Variants in CYP4F12 observed in about 807,000 individuals in gnomAD.
The protein encoded by CYP4F12 is cytochrome P450 4F12.
In CYP4F12, 60 loss-of-function variants were observed where a neutral mutation model predicts 56.5. That is an observed-to-expected ratio of 1.06 (90% CI 0.86 to 1.32). The LOEUF is 1.32. Ranked by LOEUF, CYP4F12 falls within the 40% of genes most tolerant of loss-of-function variation. The pLI is 0.00. For missense variants in CYP4F12, 711 were observed against 683.5 expected (o/e 1.04, Z -0.45); for synonymous variants, 263 against 264.9 (o/e 0.99, Z 0.07).
rs199864875 is a variant in CYP4F12 at position 15,693,181 on chromosome 19, A to C, written c.1116-2755A>C. On this transcript the variant is annotated intron_variant, in intron 9 of 12. Coordinates refer to ENST00000550308, the MANE Select transcript of CYP4F12 (RefSeq NM_023944.4). ...GCCCAGAAAGCATACATTAAAAAAA[A>C]TAATAACCTGGCAACGTGTGGGGAG... Among the ~76,000 whole-genome samples the C allele has an allele frequency of 3.1e-4, 46 of 150,624 alleles. No homozygotes were observed. The East Asian group carries it at 8.8e-3, about 29-fold the overall frequency.
chr19:15,696,214 C>A lies in CYP4F12; in HGVS notation c.1303C>A (p.Pro435Thr), dbSNP rs2008129873. The A allele has an allele frequency of 6.2e-7, 1 of 1,613,984 alleles. No individual in the cohort carries two copies. The highest frequency in any genetic ancestry group is 1.3e-5 in the African/African-American group (1 of 74,894). The change falls in exon 11 of 13, where the codon CCG becomes ACG. Residue 435 changes from proline (P) to threonine (T), a missense_variant. Coordinates refer to ENST00000550308, the MANE Select transcript of CYP4F12 (RefSeq NM_023944.4). The stretch of plus-strand genomic sequence containing the variant: ...GGTCCATCACAACCCAACTGTGTGG[C>A]CGGATCCTGAGGTGCTGCCTTCCCC... ...IGVHHNPTVW[P>T]DPEVYDPFRF...
At position 15,696,426 on chromosome 19, in the gene CYP4F12, G is replaced by T. The variant is rs1350493718; in HGVS notation, c.1315-4G>T. The stretch of plus-strand genomic sequence containing the variant: ...CTGGCAAACCTTCTTTGTCTCACCT[G>T]CAGGTCTACGACCCCTTCCGCTTTG... On this transcript the variant is annotated splice_polypyrimidine_tract_variant and splice_region_variant and intron_variant, in intron 11 of 12. Coordinates refer to ENST00000550308, the MANE Select transcript of CYP4F12 (RefSeq NM_023944.4). 1 of 1,614,150 alleles carries T rather than the reference G, an allele frequency of 6.2e-7. No homozygotes were observed. Among genetic ancestry groups the T allele is most frequent in the Non-Finnish European group, 8.5e-7 (1 of 1,180,034 alleles).
At position 15,689,832 on chromosome 19, in the gene CYP4F12, T is replaced by G. The variant is rs189038919; in HGVS notation, c.1115+4635T>G. Among the ~76,000 whole-genome samples, 34 of 152,352 alleles carry G rather than the reference T, an allele frequency of 2.2e-4. No homozygotes were observed. In the East Asian group the frequency reaches 6.0e-3, roughly 27 times the overall value. On this transcript the variant is annotated intron_variant, in intron 9 of 12. Coordinates refer to ENST00000550308, the MANE Select transcript of CYP4F12 (RefSeq NM_023944.4). ...TGGATGGAGCTGGAGGCCATTATTC[T>G]AAGTGAAGTAACTCAAGAATAGAAA...
At chr19:15,675,227 C>G (rs147275957) in intron 2 of CYP4F12, among the ~76,000 whole-genome samples, 9,479 of 67,010 alleles carry the variant, frequency 0.14, 1,100 homozygotes, top group Middle Eastern at 0.21. Flanking sequence ...CGACTGGGAC[C>G]GGCCCTCCCC....
intron 2 of CYP4F12, among the ~76,000 whole-genome samples, chr19:15,675,567 T>G (rs1382713469): frequency 6.6e-6 from 1 of 152,216 alleles, no homozygotes; most frequent in African/African-American, 2.4e-5. Flanking sequence ...GACCTTCCCA[T>G]ATAGCAATCC....
chr19:15,685,346 G>A lies in CYP4F12; in HGVS notation c.1115+149G>A, dbSNP rs1267191445. 3.0e-6 allele frequency: 4 copies of A among 1,314,810 alleles called. No homozygotes were observed. The African/African-American group carries it at 5.9e-5, about 19-fold the overall frequency. The allele number at this position is 1,314,810 out of a possible 1,614,324, so 81.4% of individuals were successfully genotyped here. A position where few individuals can be genotyped will look rare whatever the true frequency, so the allele number is the denominator to read the frequency against. ...GACCACAGGCAGGGCTTGATACCAA[G>A]CCTGGCTGTCAGGGGAAAAGTTGCA... is the stretch of plus-strand genomic sequence containing the variant. On this transcript the variant is annotated intron_variant, in intron 9 of 12. Transcript: ENST00000550308.
intron 6 of CYP4F12, among the ~76,000 whole-genome samples, chr19:15,683,226 G>A (rs1850539834): frequency 6.6e-6 from 1 of 152,170 alleles, no homozygotes; most frequent in East Asian, 1.9e-4. Flanking sequence ...CATACTGGAT[G>A]GGAGACAGAG....
At chr19:15,684,560 AT>A (rs2007495260) in intron 7 of CYP4F12, 2 of 426,640 alleles carry the variant, frequency 4.7e-6, no homozygotes, top group Non-Finnish European at 8.3e-6. Context: ...AAAAATGAAA[AT>A]ATTCGAGAAC....
At chr19:15,684,953 C>G in intron 8 of CYP4F12, 71 bp downstream of exon 8, 1 of 1,568,100 alleles carries the variant, frequency 6.4e-7, no homozygotes, top group African/African-American at 1.3e-5. Flanking sequence ...TGGGTGGACC[C>G]TGGATCACTC....
intron 2 of CYP4F12, among the ~76,000 whole-genome samples, chr19:15,677,933 T>C (rs62106474): frequency 0.41 from 422 of 1,026 alleles, 141 homozygotes; most frequent in East Asian, 1. Flanking sequence ...TTCCTCTCCT[T>C]ACTCACTCAT....
Position 15,680,185 on chromosome 19 carries a change from A to C in CYP4F12, c.344-59A>C, listed in dbSNP as rs531524657. On this transcript the variant is annotated intron_variant, in intron 3 of 12. Transcript: ENST00000550308. ...AAGTGCTGGTAGGCAGCCTTGCCCT[A>C]TACCTGAAGTTCCTCTCTTGCCCTC... 3.2e-6 allele frequency: 5 copies of C among 1,549,068 alleles called. No individual in the cohort carries two copies. In the Admixed American group the frequency reaches 8.1e-5, roughly 25 times the overall value.
At chr19:15,691,724 G>T (rs117684291) in intron 9 of CYP4F12, among the ~76,000 whole-genome samples, 4,899 of 151,084 alleles carry the variant, frequency 0.032, 110 homozygotes, top group South Asian at 0.065. Flanking sequence ...TGTTGCAAAA[G>T]ATTGCCTTTT....
chr19:15,691,472 G>T (rs1036697014), intron 9 of CYP4F12, among the ~76,000 whole-genome samples: 4 of 152,222 alleles, frequency 2.6e-5, no homozygotes, highest in African/African-American at 7.2e-5. Context: ...CCACAAATTT[G>T]CCAATAGTAT....
At chr19:15,687,524 A>G (rs631279) in intron 9 of CYP4F12, among the ~76,000 whole-genome samples, 43,065 of 152,070 alleles carry the variant, frequency 0.28, 6,614 homozygotes, top group African/African-American at 0.4. Flanking sequence ...TTCACAGTGT[A>G]AGCTTTCTTT....
In CYP4F12 at chr19:15,693,987, T is replaced by C. The variant is rs188724744; in HGVS notation, c.1116-1949T>C. Among the ~76,000 whole-genome samples the C allele has an allele frequency of 8.9e-3, 1,348 of 151,322 alleles. 15 individuals are homozygous for C. The highest frequency in any genetic ancestry group is 0.031 in the African/African-American group (1,282 of 41,032). On this transcript the variant is annotated intron_variant, in intron 9 of 12. Transcript: ENST00000550308. ...TTGTTTTTCTCAGGTTTGTCAAAGA[T>C]CAGATAGTTGTAGACATGTGGCATT...
At position 15,689,236 on chromosome 19, in the gene CYP4F12, C is replaced by T. The variant is rs542118888; in HGVS notation, c.1115+4039C>T. Among the ~76,000 whole-genome samples the T allele has an allele frequency of 1.9e-4, 29 of 149,770 alleles. No homozygotes were observed. The South Asian group carries it at 6.1e-3, about 32-fold the overall frequency. On this transcript the variant is annotated intron_variant, in intron 9 of 12. Coordinates refer to ENST00000550308, the MANE Select transcript of CYP4F12 (RefSeq NM_023944.4). ...GCTAGTATCCAGAATCTACAAGGAACTCAAACAACTCAGCAAGGAAAAAAA... is the reference window on the plus strand; with the variant it reads ...GCTAGTATCCAGAATCTACAAGGAATTCAAACAACTCAGCAAGGAAAAAAA...
At chr19:15,694,949 C>T (rs1396086291) in intron 9 of CYP4F12, among the ~76,000 whole-genome samples, 1 of 152,144 alleles carries the variant, frequency 6.6e-6, no homozygotes, top group African/African-American at 2.4e-5. Context: ...TGTGGCGATT[C>T]CTCAGGGATC....
chr19:15,684,756 T>TGTGTG, intron 7 of CYP4F12, 60 bp from the exon 8 acceptor site: 2 of 1,042,946 alleles, frequency 1.9e-6, no homozygotes, highest in Middle Eastern at 3.1e-4. Flanking sequence ...ATAGTATAAT[T>TGTGTG]TGTGTGTGTG....
intron 9 of CYP4F12, among the ~76,000 whole-genome samples, chr19:15,686,332 G>C (rs1484586620): frequency 6.6e-6 from 1 of 152,198 alleles, no homozygotes; most frequent in Non-Finnish European, 1.5e-5. Context: ...CTGAAACCCT[G>C]AATGGTGATC....
Sources: gnomAD v4.1 joint callset for allele counts (sites outside exome capture counted in the v4.1 genomes callset) on GRCh38, gnomAD v4.1.1 for gene constraint, MANE v1.5 for transcripts, NCBI Gene and HGNC (gene_info 2026-07-23, HGNC 2026-07-21) for gene names.